The following GSTCD variants were observed in gnomAD, a reference collection of about 807,000 sequenced individuals.
GSTCD encodes glutathione S-transferase C-terminal domain containing, also known as glutathione S-transferase C-terminal domain-containing protein.
Under a neutral mutation model 68.3 loss-of-function variants are expected in GSTCD, and 44 were observed. The observed-to-expected ratio is 0.64, with a 90% CI of 0.51 to 0.83. GSTCD has a LOEUF of 0.83. GSTCD is among the 40% of genes least tolerant of loss of function. GSTCD has a pLI of 0.00. For missense variants in GSTCD, 739 were observed against 735.9 expected, an observed-to-expected ratio of 1.00 and a Z score of -0.05; for synonymous variants, 273 against 255.2, an observed-to-expected ratio of 1.07 and a Z score of -0.67.
Position 105,719,493 on chromosome 4 carries a change from A to G in GSTCD, c.860A>G (p.Asp287Gly). The change falls in exon 3 of 12, where the codon GAT becomes GGT. Residue 287 changes from aspartate (D) to glycine (G), a missense_variant. Coordinates refer to ENST00000515279, the MANE Select transcript of GSTCD (RefSeq NM_001370181.1). ...FAEGLYFTLA[D>G]IVLLPCIHHF... ...GAAGGGCTTTACTTCACTCTGGCAG[A>G]TATTGTGCTCTTGCCCTGTATCCAT... 1.2e-6 allele frequency: 2 copies of G among 1,613,992 alleles called. No individual in the cohort carries two copies. The highest frequency in any genetic ancestry group is 2.2e-5 in the South Asian group (2 of 91,078).
chr4:105,791,586 C>G (rs1205287679), intron 5 of GSTCD, among the ~76,000 whole-genome samples: 1 of 152,002 alleles, frequency 6.6e-6, no homozygotes, highest in East Asian at 1.9e-4. Context: ...CTTCCACATT[C>G]CTGTCATTAT....
At chr4:105,724,030 A>G (rs1157086415) in intron 3 of GSTCD, among the ~76,000 whole-genome samples, 1 of 151,902 alleles carries the variant, frequency 6.6e-6, no homozygotes, top group Non-Finnish European at 1.5e-5. Context: ...CACTTAAAAT[A>G]CAGTATAATA....
At chr4:105,753,910 G>A (rs539282677) in intron 5 of GSTCD, among the ~76,000 whole-genome samples, 189 of 151,632 alleles carry the variant, frequency 1.2e-3, no homozygotes, top group Non-Finnish European at 1.6e-3. Flanking sequence ...ATATCTCACG[G>A]TAAGTAATAT....
chr4:105,815,592 A>T (rs1384821478), intron 5 of GSTCD, among the ~76,000 whole-genome samples: 4 of 152,152 alleles, frequency 2.6e-5, no homozygotes, highest in Admixed American at 1.3e-4. Context: ...GTATTTTTTT[A>T]AAAAATCACT....
Position 105,804,447 on chromosome 4 carries a change from G to A in GSTCD, c.1241-18507G>A, listed in dbSNP as rs181977597. On this transcript the variant is annotated intron_variant, in intron 5 of 11. Transcript: ENST00000515279. The stretch of plus-strand genomic sequence containing the variant: ...CATTGTGTTAAATTTTAGAGAAAGC[G>A]TCACCTAATTCAGAGGATTTATATG... 1.4e-4 allele frequency among the ~76,000 whole-genome samples: 22 copies of A among 152,080 alleles called. 1 individual carries two copies. Among genetic ancestry groups the A allele is most frequent in the Admixed American group, 1.2e-3 (19 of 15,248 alleles).
intron 10 of GSTCD, among the ~76,000 whole-genome samples, chr4:105,839,423 A>G (rs898429931): frequency 1.3e-5 from 2 of 152,154 alleles, no homozygotes; most frequent in African/African-American, 4.8e-5. Flanking sequence ...ATCACTTGAG[A>G]ACAGAGTTCA....
In GSTCD at chr4:105,743,152, A is replaced by G. The variant is rs369280035; in HGVS notation, c.1240+13653A>G. Among the ~76,000 whole-genome samples, 404 of 151,810 alleles carry G rather than the reference A, an allele frequency of 2.7e-3. 4 individuals are homozygous for G. The highest frequency in any genetic ancestry group is 0.012 in the East Asian group (63 of 5,136). ...TTTTTAGTAGAGACGGGGTTTCACC[A>G]TGTTAGCCAGGATGGTCTCGATCTC... is the stretch of plus-strand genomic sequence containing the variant. On this transcript the variant is annotated intron_variant, in intron 5 of 11. Transcript: ENST00000515279.
intron 5 of GSTCD, among the ~76,000 whole-genome samples, 164 bp from the exon 6 acceptor site, chr4:105,822,790 G>T (rs1175983219): frequency 6.6e-6 from 1 of 152,044 alleles, no homozygotes; most frequent in Non-Finnish European, 1.5e-5. Flanking sequence ...AGTCCTCATA[G>T]TCTGTTACAT....
chr4:105,809,234 G>A (rs888680954), intron 5 of GSTCD, among the ~76,000 whole-genome samples: 1 of 152,028 alleles, frequency 6.6e-6, no homozygotes, highest in African/African-American at 2.4e-5. Context: ...TGGTTAAGAT[G>A]GAAAAGTCCT....
At chr4:105,769,333 C>A (rs1410957015) in intron 5 of GSTCD, among the ~76,000 whole-genome samples, 1 of 151,770 alleles carries the variant, frequency 6.6e-6, no homozygotes, top group Non-Finnish European at 1.5e-5. Context: ...TGCAGAGGGG[C>A]AGTCTTCATG....
intron 10 of GSTCD, among the ~76,000 whole-genome samples, chr4:105,839,657 A>G (rs537429465): frequency 1.3e-5 from 2 of 152,122 alleles, no homozygotes; most frequent in Non-Finnish European, 2.9e-5. Flanking sequence ...AGAGAGAGAG[A>G]GAGAGGAGAG....
At chr4:105,750,474 A>G (rs897650999) in intron 5 of GSTCD, among the ~76,000 whole-genome samples, 5 of 151,870 alleles carry the variant, frequency 3.3e-5, no homozygotes, top group South Asian at 4.1e-4. Context: ...AAAAAAAAAA[A>G]AAAAAGAAAA....
chr4:105,800,960 C>T (rs1232847762), intron 5 of GSTCD, among the ~76,000 whole-genome samples: 1 of 152,060 alleles, frequency 6.6e-6, no homozygotes, highest in Non-Finnish European at 1.5e-5. Flanking sequence ...CTGAACAAAC[C>T]TTATCTAACA....
Position 105,845,746 on chromosome 4 carries a change from C to T in GSTCD, c.*169C>T, listed in dbSNP as rs1360713071. 2.2e-5 allele frequency: 14 copies of T among 634,292 alleles called. No homozygotes were observed. The highest frequency in any genetic ancestry group is 1.4e-4 in the South Asian group (7 of 50,496). The allele number at this position is 634,292 out of a possible 1,614,324, so 39.3% of individuals were successfully genotyped here. A position where few individuals can be genotyped will look rare whatever the true frequency, so the allele number is the denominator to read the frequency against. Reference sequence around the variant, plus strand: ...TTGGAAGTAAAGGCTCCCTGCAAAGCATCACAAATGCTTTACAATGTGTGA... The same window carrying T: ...TTGGAAGTAAAGGCTCCCTGCAAAGTATCACAAATGCTTTACAATGTGTGA... On this transcript the variant is annotated 3_prime_UTR_variant, in exon 12 of 12. Coordinates refer to ENST00000515279, the MANE Select transcript of GSTCD (RefSeq NM_001370181.1).
At chr4:105,832,004 C>A (rs192776084) in intron 8 of GSTCD, among the ~76,000 whole-genome samples, 2 of 152,074 alleles carry the variant, frequency 1.3e-5, no homozygotes, top group Admixed American at 6.5e-5. Context: ...CCTTATTGCA[C>A]GTAGATTTTT....
At chr4:105,803,504 A>G (rs1374201147) in intron 5 of GSTCD, among the ~76,000 whole-genome samples, 1 of 152,126 alleles carries the variant, frequency 6.6e-6, no homozygotes, top group Non-Finnish European at 1.5e-5. Context: ...TGACACAGTC[A>G]TTAAGAAAAG....
In GSTCD at chr4:105,758,498, G is replaced by A. The variant is rs1734280329; in HGVS notation, c.1240+28999G>A. On this transcript the variant is annotated intron_variant, in intron 5 of 11. Coordinates refer to ENST00000515279, the MANE Select transcript of GSTCD (RefSeq NM_001370181.1). The stretch of plus-strand genomic sequence containing the variant: ...CTCGCTCTCTCTTGCTCCCATTCTT[G>A]TCATGTAATATGCCTGCTTCCCCTT... 2.0e-5 allele frequency among the ~76,000 whole-genome samples: 3 copies of A among 152,140 alleles called. No individual in the cohort carries two copies. The South Asian group carries it at 6.2e-4, about 32-fold the overall frequency.
chr4:105,744,387 C>T (rs1214902055), intron 5 of GSTCD, among the ~76,000 whole-genome samples: 1 of 152,174 alleles, frequency 6.6e-6, no homozygotes, highest in Non-Finnish European at 1.5e-5. Context: ...CTTGCACTCA[C>T]TAGTTTATAT....
At chr4:105,778,120 C>A (rs1735141148) in intron 5 of GSTCD, among the ~76,000 whole-genome samples, 1 of 152,028 alleles carries the variant, frequency 6.6e-6, no homozygotes, top group Non-Finnish European at 1.5e-5. Context: ...AACAAAAAAA[C>A]ATTGGAAGCC....
Sources: gnomAD v4.1 joint callset for allele counts (sites outside exome capture counted in the v4.1 genomes callset) on GRCh38, gnomAD v4.1.1 for gene constraint, MANE v1.5 for transcripts, NCBI Gene and HGNC (gene_info 2026-07-23, HGNC 2026-07-21) for gene names.